TBR1: variants seen among roughly 807,000 people sequenced by gnomAD.
The protein encoded by TBR1 is T-box brain transcription factor 1.
Under a neutral mutation model 60.3 loss-of-function variants are expected in TBR1, and 7 were observed. The ratio of observed to expected loss-of-function variants is 0.12; its 90% CI spans 0.07 to 0.22. TBR1 has a LOEUF of 0.22. Ranked by LOEUF, TBR1 falls within the 10% of genes least tolerant of loss-of-function variation. The pLI is 1.00. For missense variants in TBR1, 616 were observed against 936.8 expected, an observed-to-expected ratio of 0.66 and a Z score of 4.47; for synonymous variants, 417 against 409.9, an observed-to-expected ratio of 1.02 and a Z score of -0.21.
In TBR1 at chr2:161,423,766, G is replaced by C. The variant is rs1436765374; in HGVS notation, c.1588G>C (p.Gly530Arg). The stretch of plus-strand genomic sequence containing the variant: ...GAAGGCGCTGCCGCTGCAGGCTGCA[G>C]GCTGCACTGGCCGCCCGCTCGGCTA... The part of the protein sequence containing the change: ...GVKALPLQAA[G>R]CTGRPLGYYA... The change falls in exon 6 of 6, where the codon GGC becomes CGC. Residue 530 changes from glycine (G) to arginine (R), a missense_variant. This residue lies in a region of TBR1 where 210 missense variants were observed against 297.4 expected (regional missense o/e 0.71). Coordinates refer to ENST00000389554, the MANE Select transcript of TBR1 (RefSeq NM_006593.4). The C allele has an allele frequency of 6.7e-7, 1 of 1,486,370 alleles. No individual in the cohort carries two copies. The highest frequency in any genetic ancestry group is 1.3e-5 in the South Asian group (1 of 78,486). 92.1% of individuals were successfully genotyped at this position (1,486,370 alleles called of 1,614,324 possible).
chr2:161,419,211 C>A (rs1574150381), intron 4 of TBR1, 161 bp downstream of exon 4: 6 of 1,017,212 alleles, frequency 5.9e-6, no homozygotes. Context: ...GGCCTGCCCA[C>A]GGCACCTTTC....
At chr2:161,419,082 G>A (rs764882036) in intron 4 of TBR1, 32 bp downstream of exon 4, 11 of 1,613,194 alleles carry the variant, frequency 6.8e-6, no homozygotes, top group Non-Finnish European at 8.5e-6. Context: ...GGGCGAGGCG[G>A]GCGGCACAGA....
At position 161,417,952 on chromosome 2, in the gene TBR1, A is replaced by G; in HGVS notation, c.847+122A>G. ...ATCGGCCAATGACTTCTAAAAGGAA[A>G]CGAGGGGGACAGGGGGACAGACTGA... On this transcript the variant is annotated intron_variant, in intron 2 of 5. Coordinates refer to ENST00000389554, the MANE Select transcript of TBR1 (RefSeq NM_006593.4). This position sits in a 1 kb window ranked among gnomAD's most constrained non-coding sequence, Gnocchi z 5.3. The G allele has an allele frequency of 6.8e-7, 1 of 1,473,130 alleles. No homozygotes were observed. The highest frequency in any genetic ancestry group is 9.0e-7 in the Non-Finnish European group (1 of 1,111,776). 91.3% of individuals were successfully genotyped at this position (1,473,130 alleles called of 1,614,324 possible).
chr2:161,423,292 C>T (rs1159932534), intron 5 of TBR1, 77 bp from the exon 6 acceptor site: 4 of 1,109,808 alleles, frequency 3.6e-6, no homozygotes, highest in Non-Finnish European at 4.9e-6. Flanking sequence ...GGTGGCCTTC[C>T]CTTCTGCCCC....
chr2:161,419,124 A>G, intron 4 of TBR1, 74 bp downstream of exon 4: 2 of 1,604,730 alleles, frequency 1.2e-6, no homozygotes, highest in African/African-American at 1.3e-5. Flanking sequence ...TTCTCCCGCC[A>G]TGCAAGGCTA....
At chr2:161,419,111 A>G (rs1031044455) in intron 4 of TBR1, 61 bp downstream of exon 4, 3 of 1,605,776 alleles carry the variant, frequency 1.9e-6, no homozygotes, top group Non-Finnish European at 2.6e-6. Context: ...CCACCCTCTC[A>G]CATTCTCCCG....
intron 5 of TBR1, 72 bp from the exon 6 acceptor site, chr2:161,423,297 T>G: frequency 8.9e-7 from 1 of 1,120,800 alleles, no homozygotes. Flanking sequence ...CCTTCCCTTC[T>G]GCCCCCACCC....
Position 161,423,727 on chromosome 2 carries a change from G to C in TBR1, c.1549G>C (p.Ala517Pro). Residue 517 changes from alanine to proline, a missense_variant, in exon 6 of 6, where the codon GCG (alanine) becomes CCG (proline). Ala to Pro is a conservative substitution (Grantham distance 27, BLOSUM62 -1). Around this residue, in one of 8 missense-constraint regions of TBR1, gnomAD observed 210 missense variants for 297.4 expected, o/e 0.71. Transcript: ENST00000389554. ...AGNAATLLSY[A>P]AAGVKALPLQ... is the part of the protein sequence containing the mutation. ...CAACGCGGCCACGCTGCTCTCTTAC[G>C]CGGCGGCGGGCGTGAAGGCGCTGCC... is the stretch of plus-strand genomic sequence containing the variant. The C allele has an allele frequency of 6.6e-7, 1 of 1,520,564 alleles. No homozygotes were observed. The highest frequency in any genetic ancestry group is 8.8e-7 in the Non-Finnish European group (1 of 1,142,208). The allele number at this position is 1,520,564 out of a possible 1,614,324, so 94.2% of individuals were successfully genotyped here. A position where few individuals can be genotyped will look rare whatever the true frequency, so the allele number is the denominator to read the frequency against.
chr2:161,424,181 G>A lies in TBR1; in HGVS notation c.2003G>A (p.Cys668Tyr). The part of the protein sequence containing the change: ...VLAQRDCEKN[C>Y]AKDISGYYGF... ...GCCCAGCGGGACTGCGAGAAGAACT[G>A]CGCCAAGGACATTAGCGGCTACTAT... Residue 668 changes from cysteine to tyrosine, a missense_variant, in exon 6 of 6, where the codon TGC becomes TAC. Transcript: ENST00000389554. This position sits in a 1 kb window ranked among gnomAD's most constrained non-coding sequence, Gnocchi z 4.4. 6.2e-7 allele frequency: 1 copy of A among 1,612,396 alleles called. No individual in the cohort carries two copies. Among genetic ancestry groups the A allele is most frequent in the Non-Finnish European group, 8.5e-7 (1 of 1,179,284 alleles).
At chr2:161,418,845 C>T (rs757112754) in intron 3 of TBR1, 47 bp from the exon 4 acceptor site, 2 of 1,586,676 alleles carry the variant, frequency 1.3e-6, no homozygotes. Flanking sequence ...CGCACAGCGA[C>T]CGCGTTAACA....
chr2:161,419,131 G>A lies in TBR1; in HGVS notation c.1128+81G>A, dbSNP rs910923832. ...CTCTCACATTCTCCCGCCATGCAAG[G>A]CTAGGGTACTAGCAGCGCTAACATC... On this transcript the variant is annotated intron_variant, in intron 4 of 5. Transcript: ENST00000389554. 6 of 1,601,044 alleles carry A rather than the reference G, an allele frequency of 3.7e-6. No homozygotes were observed. The South Asian group carries it at 6.7e-5, about 18-fold the overall frequency.
In TBR1 at chr2:161,424,421, A is replaced by T. The variant is rs1268917132; in HGVS notation, c.*194A>T. 14 of 620,714 alleles carry T rather than the reference A, an allele frequency of 2.3e-5. No homozygotes were observed. The highest frequency in any genetic ancestry group is 3.8e-5 in the Non-Finnish European group (14 of 366,500). 38.5% of individuals were successfully genotyped at this position (620,714 alleles called of 1,614,324 possible). On this transcript the variant is annotated 3_prime_UTR_variant, in exon 6 of 6. Transcript: ENST00000389554. This position sits in a 1 kb window ranked among gnomAD's most constrained non-coding sequence, Gnocchi z 4.4. ...CCTTTTTTGCACAGCAGTCTCTGCA[A>T]TTAGCTCACCGACCTTCAACTTTGC...
chr2:161,420,158 TA>T, intron 4 of TBR1, 37 bp from the exon 5 acceptor site: 2 of 1,572,634 alleles, frequency 1.3e-6, no homozygotes, highest in Non-Finnish European at 1.7e-6. Context: ...TCTTCACGTA[TA>T]AAAGGTGAGA....
In TBR1 at chr2:161,416,611, T is replaced by A. The variant is rs1684126601; in HGVS notation, c.201T>A (p.Asn67Lys). The A allele has an allele frequency of 6.2e-7, 1 of 1,614,088 alleles. No homozygotes were observed. The highest frequency in any genetic ancestry group is 2.2e-5 in the East Asian group (1 of 44,866). ...TGACGAATCAGTCAGATACAGACAA[T>A]TTTCCTGACTCCAAGGACTCACCAG... ...RGMTNQSDTDNFPDSKDSPGD... is the reference protein window; with the variant it reads ...RGMTNQSDTDKFPDSKDSPGD... Residue 67 changes from asparagine to lysine, a missense_variant, in exon 1 of 6, where the codon AAT becomes AAA. Asn to Lys is a moderately conservative substitution (Grantham distance 94). Around this residue, in one of 8 missense-constraint regions of TBR1, gnomAD observed 211 missense variants for 268.7 expected, o/e 0.79. Coordinates refer to ENST00000389554, the MANE Select transcript of TBR1 (RefSeq NM_006593.4). This position sits in a 1 kb window ranked among gnomAD's most constrained non-coding sequence, Gnocchi z 6.1.
rs1485800342 is a variant in TBR1 at position 161,424,404 on chromosome 2, G to T, written c.*177G>T. The T allele has an allele frequency of 9.9e-6, 7 of 704,492 alleles. No individual in the cohort carries two copies. The East Asian group carries it at 2.0e-4, about 20-fold the overall frequency. 43.6% of individuals were successfully genotyped at this position (704,492 alleles called of 1,614,324 possible). A position where few individuals can be genotyped will look rare whatever the true frequency, so the allele number is the denominator to read the frequency against. On this transcript the variant is annotated 3_prime_UTR_variant, in exon 6 of 6. Coordinates refer to ENST00000389554, the MANE Select transcript of TBR1 (RefSeq NM_006593.4). This position sits in a 1 kb window ranked among gnomAD's most constrained non-coding sequence, Gnocchi z 4.4. ...TCCGAGCGTGATTTTAACCTTTTTT[G>T]CACAGCAGTCTCTGCAATTAGCTCA...
chr2:161,417,185 G>C lies in TBR1; in HGVS notation c.692+83G>C. 3 of 1,424,936 alleles carry C rather than the reference G, an allele frequency of 2.1e-6. No individual in the cohort carries two copies. Among genetic ancestry groups the C allele is most frequent in the South Asian group, 2.8e-5 (2 of 71,162 alleles). 88.3% of individuals were successfully genotyped at this position (1,424,936 alleles called of 1,614,324 possible). A position where few individuals can be genotyped will look rare whatever the true frequency, so the allele number is the denominator to read the frequency against. Reference sequence around the variant, plus strand: ...AGGCTGTGACTGCCGCGGCAGCGACGATTTGGGGTCGGGAGCGGAGTGGAA... The same window carrying C: ...AGGCTGTGACTGCCGCGGCAGCGACCATTTGGGGTCGGGAGCGGAGTGGAA... On this transcript the variant is annotated intron_variant, in intron 1 of 5. Coordinates refer to ENST00000389554, the MANE Select transcript of TBR1 (RefSeq NM_006593.4). This position sits in a 1 kb window ranked among gnomAD's most constrained non-coding sequence, Gnocchi z 5.3.
rs1327548287 is a variant in TBR1 at position 161,423,945 on chromosome 2, G to A, written c.1767G>A (p.Leu589=). The change falls in exon 6 of 6, where the codon CTG becomes CTA. Residue 589 remains leucine (L), a synonymous_variant. Transcript: ENST00000389554. ...ACCTGGGCGAGGAGGCCGAGGGCCT[G>A]GCCGCCGAGCGCTCGCCGCTGCCGC... is the stretch of plus-strand genomic sequence containing the variant. ...NPYLGEEAEG[L]AAERSPLPPG... The A allele has an allele frequency of 3.9e-6, 6 of 1,544,980 alleles. No homozygotes were observed. In the African/African-American group the frequency reaches 6.9e-5, roughly 18 times the overall value.
At position 161,418,078 on chromosome 2, in the gene TBR1, G is replaced by A. The variant is rs1574149676; in HGVS notation, c.848-123G>A. ...AAAGCCCCAGTTAATGGGCTTCATG[G>A]TGGAGTAAGGTGTGTGTATGTGTGT... On this transcript the variant is annotated intron_variant, in intron 2 of 5. Transcript: ENST00000389554. The A allele has an allele frequency of 1.1e-5, 16 of 1,468,224 alleles. No individual in the cohort carries two copies. In the East Asian group the frequency reaches 3.9e-4, roughly 36 times the overall value. 90.9% of individuals were successfully genotyped at this position (1,468,224 alleles called of 1,614,324 possible). A position where few individuals can be genotyped will look rare whatever the true frequency, so the allele number is the denominator to read the frequency against.
At chr2:161,420,341 G>A (rs1684208366) in intron 5 of TBR1, 84 bp downstream of exon 5, 1 of 1,032,488 alleles carries the variant, frequency 9.7e-7, no homozygotes, top group East Asian at 3.1e-5. Flanking sequence ...CAAGGATTTT[G>A]AAAGCTGGAA....
Sources: gnomAD v4.1 joint callset for allele counts on GRCh38, gnomAD v4.1.1 for gene constraint, gnomAD v4.1.1 regional missense constraint, Gnocchi (gnomAD v3.1) non-coding constraint, MANE v1.5 for transcripts, NCBI Gene and HGNC (gene_info 2026-07-23, HGNC 2026-07-21) for gene names.